The following C19orf38 variants were observed in gnomAD, a reference collection of about 807,000 sequenced individuals.
C19orf38 encodes protein HIDE1.
In C19orf38, 14 loss-of-function variants were observed where a neutral mutation model predicts 26.6. The observed-to-expected ratio is 0.53, with a 90% CI of 0.35 to 0.82. The LOEUF (loss-of-function observed/expected upper bound fraction) is 0.82, where lower values mean the gene tolerates loss of function less well. Ranked by LOEUF, C19orf38 falls within the 40% of genes least tolerant of loss-of-function variation. C19orf38 has a pLI of 0.01. For missense variants in C19orf38, 261 were observed against 299.5 expected, an observed-to-expected ratio of 0.87 and a Z score of 0.95; for synonymous variants, 132 against 128.5, an observed-to-expected ratio of 1.03 and a Z score of -0.18.
chr19:10,837,335 C>T (rs2073440517), intron 1 of C19orf38, among the ~76,000 whole-genome samples: 1 of 152,112 alleles, frequency 6.6e-6, no homozygotes, highest in South Asian at 2.1e-4. Context: ...CAGCACTTTC[C>T]TGCATTTGGA....
chr19:10,848,249 A>AT (rs565812683), upstream of C19orf38, among the ~76,000 whole-genome samples: 1 of 146,916 alleles, frequency 6.8e-6, no homozygotes, highest in African/African-American at 2.5e-5. Context: ...CATCTCATCC[A>AT]TTTTTTTCCC....
At chr19:10,848,731 G>T (rs943178996) in intron 1 of C19orf38, among the ~76,000 whole-genome samples, 192 bp downstream of exon 1, 6 of 152,016 alleles carry the variant, frequency 3.9e-5, no homozygotes, top group Non-Finnish European at 7.4e-5. Flanking sequence ...TTCTTCTTAG[G>T]CTCCTCATCA....
At chr19:10,847,575 G>A (rs373016565), upstream of C19orf38, among the ~76,000 whole-genome samples, 32 of 151,656 alleles carry the variant, frequency 2.1e-4, 1 homozygote, top group African/African-American at 7.0e-4. Context: ...GTTTCACCAC[G>A]TTGGCCTGGT....
intron 2 of C19orf38, among the ~76,000 whole-genome samples, chr19:10,851,489 C>T (rs537261650): frequency 6.6e-6 from 1 of 151,608 alleles, no homozygotes; most frequent in Admixed American, 6.6e-5. Flanking sequence ...TACAGGTGTG[C>T]ACCACCATGC....
chr19:10,848,254 T>A (rs2073534206), upstream of C19orf38: 1 of 496,826 alleles, frequency 2.0e-6, no homozygotes, highest in African/African-American at 1.9e-5. Context: ...CATCCATTTT[T>A]TTCCCCTCTA....
chr19:10,861,509 A>G (rs2073698508), intron 5 of C19orf38, among the ~76,000 whole-genome samples: 1 of 152,166 alleles, frequency 6.6e-6, no homozygotes, highest in African/African-American at 2.4e-5. Flanking sequence ...CCATTCTCCA[A>G]TGGGAAACAG....
At chr19:10,856,871 G>T (rs558895050) in intron 3 of C19orf38, among the ~76,000 whole-genome samples, 1 of 151,304 alleles carries the variant, frequency 6.6e-6, no homozygotes, top group Non-Finnish European at 1.5e-5. Context: ...ATCATAGCTC[G>T]CTGCATCCTT....
chr19:10,862,431 C>G (rs1485543350), intron 5 of C19orf38, among the ~76,000 whole-genome samples: 8 of 152,002 alleles, frequency 5.3e-5, no homozygotes, highest in Admixed American at 5.2e-4. Context: ...TCTTGAACTC[C>G]TGGGCTCAAG....
chr19:10,837,617 C>T (rs1391293104), intron 1 of C19orf38, among the ~76,000 whole-genome samples: 1 of 149,418 alleles, frequency 6.7e-6, no homozygotes, highest in Non-Finnish European at 1.5e-5. Context: ...CAGCGATCCT[C>T]CTGCCTCAGC....
At position 10,850,268 on chromosome 19, in the gene C19orf38, C is replaced by CACCT. The variant is rs2073555945; in HGVS notation, c.41_42insACCT (p.Ile15ProfsTer60). 27 of 1,549,536 alleles carry CACCT rather than the reference C, an allele frequency of 1.7e-5. No individual in the cohort carries two copies. The highest frequency in any genetic ancestry group is 1.5e-4 in the South Asian group (13 of 83,946). Reference sequence around the variant, plus strand: ...ACCCTCTGCATTGCAGGCTCCTTGGCGATCCCAGCACCATCCATCCGGCTG... The same window carrying CACCT: ...ACCCTCTGCATTGCAGGCTCCTTGGCACCTGATCCCAGCACCATCCATCCGGCTG... On this transcript the variant is annotated frameshift_variant, in exon 2 of 7. Coordinates refer to ENST00000397820, the MANE Select transcript of C19orf38 (RefSeq NM_001136482.3). LOFTEE classifies it high-confidence loss of function.
chr19:10,857,366 A>ATATATATTTTTT lies in C19orf38; in HGVS notation c.434-949_434-948insATATATTTTTTT, dbSNP rs1433358051. On this transcript the variant is annotated intron_variant, in intron 3 of 6. Transcript: ENST00000397820. ...TATATATATATATATATATATATATATTTTTTTTTTTTTTTTTTTAAGATG... is the reference window on the plus strand; with the variant it reads ...TATATATATATATATATATATATATATATATATTTTTTTTTTTTTTTTTTTTTTTTTAAGATG... 2.5e-4 allele frequency among the ~76,000 whole-genome samples: 14 copies of ATATATATTTTTT among 56,082 alleles called. No individual in the cohort carries two copies. In the East Asian group the frequency reaches 3.1e-3, roughly 13 times the overall value. 36.8% of individuals were successfully genotyped at this position (56,082 alleles called of 152,430 possible). A position where few individuals can be genotyped will look rare whatever the true frequency, so the allele number is the denominator to read the frequency against.
chr19:10,849,457 C>A (rs1027813133), intron 1 of C19orf38, among the ~76,000 whole-genome samples: 2 of 152,148 alleles, frequency 1.3e-5, no homozygotes, highest in Admixed American at 1.3e-4. Flanking sequence ...TCGTGGGAGG[C>A]CAAGGTGGGA....
chr19:10,849,670 C>T (rs1213059645), intron 1 of C19orf38, among the ~76,000 whole-genome samples: 2 of 151,884 alleles, frequency 1.3e-5, no homozygotes, highest in Non-Finnish European at 2.9e-5. Flanking sequence ...GCCTGGGCGA[C>T]AAAGCAAGAT....
At chr19:10,856,405 TG>T in intron 3 of C19orf38, 48 bp downstream of exon 3, 1 of 1,467,212 alleles carries the variant, frequency 6.8e-7, no homozygotes, top group Non-Finnish European at 9.3e-7. Flanking sequence ...TGACAACTTC[TG>T]GAACGTGAAG....
Position 10,848,473 on chromosome 19 carries a change from G to A in C19orf38, c.-36G>A, listed in dbSNP as rs2073536056. On this transcript the variant is annotated 5_prime_UTR_variant, in exon 1 of 7. Coordinates refer to ENST00000397820, the MANE Select transcript of C19orf38 (RefSeq NM_001136482.3). ...TGGCGGGGAGCCTTGGGCCCCTCTG[G>A]CCTCAGCCGGATTTCCCAGCCAAAC... The A allele has an allele frequency of 1.3e-6, 2 of 1,551,324 alleles. No individual in the cohort carries two copies. The highest frequency in any genetic ancestry group is 8.7e-7 in the Non-Finnish European group (1 of 1,146,720).
chr19:10,869,297 G>A lies in C19orf38; in HGVS notation c.623G>A (p.Arg208Gln), dbSNP rs774673627. Residue 208 changes from arginine to glutamine, a missense_variant, in exon 7 of 7, where the codon CGG (arginine) becomes CAG (glutamine). By Grantham distance (43) the Arg-to-Gln change is conservative (BLOSUM62 1). Coordinates refer to ENST00000397820, the MANE Select transcript of C19orf38 (RefSeq NM_001136482.3). ...TTATPSNSRT[R>Q]KRPTSTSSSP... is the part of the protein sequence containing the mutation. ...GCCACCCCCAGCAACTCCAGGACCC[G>A]GAAGAGGCCCACTTCCACGTCCTCC... The A allele has an allele frequency of 1.9e-5, 30 of 1,551,486 alleles. No individual in the cohort carries two copies. In the East Asian group the frequency reaches 3.2e-4, roughly 16 times the overall value.
intron 1 of C19orf38, among the ~76,000 whole-genome samples, chr19:10,837,776 G>T (rs2073447368): frequency 6.6e-6 from 1 of 151,046 alleles, no homozygotes; most frequent in African/African-American, 2.4e-5. Flanking sequence ...CAAAGTGCTG[G>T]GATTGTAGGC....
At position 10,869,756 on chromosome 19, in the gene C19orf38, C is replaced by CCT. The variant is rs2073786059; in HGVS notation, c.*389_*390insCT. The stretch of plus-strand genomic sequence containing the variant: ...TGTTGTGTGTCTGCCTGCTGGCTTG[C>CCT]TTAAGTTATTAATTATAACACGGGT... On this transcript the variant is annotated 3_prime_UTR_variant, in exon 7 of 7. Transcript: ENST00000397820. 3 of 195,740 alleles carry CCT rather than the reference C, an allele frequency of 1.5e-5. No homozygotes were observed. The highest frequency in any genetic ancestry group is 3.1e-5 in the Non-Finnish European group (3 of 97,742). The allele number at this position is 195,740 out of a possible 1,614,324, so 12.1% of individuals were successfully genotyped here.
At chr19:10,868,509 AT>A (rs1254669624) in intron 6 of C19orf38, among the ~76,000 whole-genome samples, 2 of 151,990 alleles carry the variant, frequency 1.3e-5, no homozygotes, top group Non-Finnish European at 2.9e-5. Context: ...AATACTATTT[AT>A]TTTTTATTTA....
Sources: gnomAD v4.1 joint callset for allele counts (sites outside exome capture counted in the v4.1 genomes callset) on GRCh38, gnomAD v4.1.1 for gene constraint, MANE v1.5 for transcripts, NCBI Gene and HGNC (gene_info 2026-07-23, HGNC 2026-07-21) for gene names.